The following DNAL1 variants were observed in gnomAD, a reference collection of about 807,000 sequenced individuals.
DNAL1 encodes chromosome 14 open reading frame 168.
In DNAL1, 17 loss-of-function variants were observed where a neutral mutation model predicts 29.4. The ratio of observed to expected loss-of-function variants is 0.58; its 90% CI spans 0.40 to 0.87. The LOEUF is 0.87. Among genes scored for constraint, DNAL1 ranks in the 40% least tolerant of loss-of-function variants. DNAL1 has a pLI of 0.00. For missense variants in DNAL1, 188 were observed against 214.1 expected, an observed-to-expected ratio of 0.88 and a Z score of 0.76; for synonymous variants, 78 against 76.3, an observed-to-expected ratio of 1.02 and a Z score of -0.12.
chr14:73,646,753 C>A (rs1890984821), intron 1 of DNAL1, among the ~76,000 whole-genome samples: 1 of 152,158 alleles, frequency 6.6e-6, no homozygotes, highest in Admixed American at 6.5e-5. Context: ...CAGAGCAAGA[C>A]CCTGTCTCAA....
chr14:73,646,871 G>A (rs1473146919), intron 1 of DNAL1, among the ~76,000 whole-genome samples: 1 of 152,174 alleles, frequency 6.6e-6, no homozygotes, highest in Non-Finnish European at 1.5e-5. Flanking sequence ...GCTCATGACT[G>A]TATTTAGAAC....
chr14:73,687,385 G>C lies in DNAL1; in HGVS notation c.391G>C (p.Ala131Pro). ...YMSNNLVKDW[A>P]EFVKLAELPC... ...GTCTAATAACCTGGTAAAAGACTGGGGTAAGCTGAGAGTGGCCCTTTGCTA... is the reference window on the plus strand; with the variant it reads ...GTCTAATAACCTGGTAAAAGACTGGCGTAAGCTGAGAGTGGCCCTTTGCTA... The change falls in exon 6 of 8, where the codon GCT (alanine) becomes CCT (proline). Residue 131 changes from alanine (A) to proline (P), a missense_variant and splice_region_variant. By Grantham distance (27) the Ala-to-Pro change is conservative (BLOSUM62 -1). Coordinates refer to ENST00000553645, the MANE Select transcript of DNAL1 (RefSeq NM_031427.4). 6.3e-7 allele frequency: 1 copy of C among 1,590,904 alleles called. No individual in the cohort carries two copies. The highest frequency in any genetic ancestry group is 1.2e-5 in the South Asian group (1 of 86,030).
chr14:73,656,039 T>G (rs895532598), intron 2 of DNAL1, among the ~76,000 whole-genome samples: 1 of 152,180 alleles, frequency 6.6e-6, no homozygotes, highest in Non-Finnish European at 1.5e-5. Flanking sequence ...TTTGCATCAC[T>G]TCTCTGCCTT....
At position 73,648,442 on chromosome 14, in the gene DNAL1, T is replaced by C. The variant is rs193130387; in HGVS notation, c.3+3400T>C. 8.3e-3 allele frequency among the ~76,000 whole-genome samples: 746 copies of C among 89,928 alleles called. 11 individuals are homozygous for C. The highest frequency in any genetic ancestry group is 0.039 in the African/African-American group (694 of 18,022). 59.0% of individuals were successfully genotyped at this position (89,928 alleles called of 152,430 possible). On this transcript the variant is annotated intron_variant, in intron 1 of 7. Coordinates refer to ENST00000553645, the MANE Select transcript of DNAL1 (RefSeq NM_031427.4). Reference sequence around the variant, plus strand: ...TTTGTTGTTTGTTTGTTTTTGTTTTTTGGGGGGACAAGATCTTGCTCTGTT... The same window carrying C: ...TTTGTTGTTTGTTTGTTTTTGTTTTCTGGGGGGACAAGATCTTGCTCTGTT...
At chr14:73,653,299 T>C (rs531892523) in intron 1 of DNAL1, 2 of 152,320 alleles carry the variant, frequency 1.3e-5, no homozygotes, top group South Asian at 4.1e-4. Context: ...ACTCAGAGTA[T>C]GCGTGTGACC....
At chr14:73,646,787 A>AT (rs1890985629) in intron 1 of DNAL1, among the ~76,000 whole-genome samples, 1 of 151,880 alleles carries the variant, frequency 6.6e-6, no homozygotes. Flanking sequence ...CAAACATAGA[A>AT]AAGTTACAGT....
chr14:73,687,127 C>A, intron 5 of DNAL1, 132 bp from the exon 6 acceptor site: 1 of 1,083,290 alleles, frequency 9.2e-7, no homozygotes, highest in Non-Finnish European at 1.3e-6. Flanking sequence ...TCCCACACAA[C>A]TACTAGCTCT....
intron 1 of DNAL1, among the ~76,000 whole-genome samples, chr14:73,649,219 C>T (rs2140022172): frequency 6.6e-6 from 1 of 151,996 alleles, no homozygotes; most frequent in South Asian, 2.1e-4. Flanking sequence ...CATGATCCAC[C>T]CAGCTCAGCC....
chr14:73,690,952 C>T (rs1285675594), intron 7 of DNAL1, among the ~76,000 whole-genome samples: 1 of 152,072 alleles, frequency 6.6e-6, no homozygotes, highest in East Asian at 1.9e-4. Context: ...CCCCTCATCC[C>T]CAGTCTTAGT....
chr14:73,654,698 G>A (rs999369407), intron 1 of DNAL1, 149 bp from the exon 2 acceptor site: 2 of 604,712 alleles, frequency 3.3e-6, no homozygotes, highest in East Asian at 3.6e-5. Flanking sequence ...GGCAGAGGTT[G>A]TGGTGAGCGG....
intron 1 of DNAL1, among the ~76,000 whole-genome samples, chr14:73,652,096 G>C (rs567008745): frequency 1.3e-5 from 2 of 152,058 alleles, no homozygotes; most frequent in South Asian, 4.2e-4. Flanking sequence ...GAGTGCAGTG[G>C]CACCATTTAG....
intron 5 of DNAL1, among the ~76,000 whole-genome samples, chr14:73,680,762 A>G (rs144688985): frequency 1.2e-4 from 19 of 152,302 alleles, no homozygotes; most frequent in African/African-American, 4.6e-4. Context: ...TGTGAACATC[A>G]TAGAGTGTGC....
At chr14:73,649,928 A>C (rs1262846759) in intron 1 of DNAL1, among the ~76,000 whole-genome samples, 2 of 152,162 alleles carry the variant, frequency 1.3e-5, no homozygotes, top group Non-Finnish European at 2.9e-5. Context: ...TAGGTTACTT[A>C]TACTATGCAA....
chr14:73,684,662 C>T (rs771869739), intron 5 of DNAL1, among the ~76,000 whole-genome samples: 1 of 151,980 alleles, frequency 6.6e-6, no homozygotes, highest in East Asian at 1.9e-4. Context: ...TTTGGGAGGT[C>T]GAGGCAGGAT....
chr14:73,679,693 C>T (rs1891830568), intron 5 of DNAL1, among the ~76,000 whole-genome samples: 1 of 152,006 alleles, frequency 6.6e-6, no homozygotes, highest in African/African-American at 2.4e-5. Context: ...TCGTGGTTAC[C>T]AAATGGTATT....
intron 6 of DNAL1, among the ~76,000 whole-genome samples, chr14:73,689,026 G>GTTTTT (rs71112794): frequency 5.4e-5 from 5 of 92,246 alleles, no homozygotes; most frequent in African/African-American, 2.0e-4. Flanking sequence ...AAAACTTGCT[G>GTTTTT]TTTTTTTTTT....
Position 73,689,464 on chromosome 14 carries a change from A to C in DNAL1, c.481A>C (p.Asn161His). ...PLEEKHSAEN[N>H]WIEEATKRVP... ...GGAAGAGAAACATTCTGCTGAGAAT[A>C]ACTGGATTGAAGAAGCAACCAAGAG... The change falls in exon 7 of 8, where the codon AAC (asparagine) becomes CAC (histidine). Residue 161 changes from asparagine (N) to histidine (H), a missense_variant. Coordinates refer to ENST00000553645, the MANE Select transcript of DNAL1 (RefSeq NM_031427.4). 6.3e-7 allele frequency: 1 copy of C among 1,576,560 alleles called. No individual in the cohort carries two copies. Among genetic ancestry groups the C allele is most frequent in the South Asian group, 1.2e-5 (1 of 85,462 alleles).
At chr14:73,681,900 G>A (rs1891896205) in intron 5 of DNAL1, among the ~76,000 whole-genome samples, 1 of 151,668 alleles carries the variant, frequency 6.6e-6, no homozygotes, top group African/African-American at 2.4e-5. Flanking sequence ...ATCACCTCAG[G>A]TTGGGAGTTC....
At chr14:73,688,736 C>G (rs1892084158) in intron 6 of DNAL1, among the ~76,000 whole-genome samples, 1 of 152,146 alleles carries the variant, frequency 6.6e-6, no homozygotes, top group South Asian at 2.1e-4. Flanking sequence ...TTAGCTTAAC[C>G]TACACTGATG....
Sources: allele counts gnomAD v4.1 joint callset (sites outside exome capture counted in the v4.1 genomes callset), GRCh38; gene constraint gnomAD v4.1.1; transcripts MANE v1.5; gene names NCBI Gene and HGNC (gene_info 2026-07-23, HGNC 2026-07-21).